Variants in TENM2 observed in about 807,000 individuals in gnomAD.
TENM2 encodes the protein teneurin-2.
In TENM2, 52 loss-of-function variants were observed where a neutral mutation model predicts 245.2. That is an observed-to-expected ratio of 0.21 (90% confidence interval 0.17 to 0.27). TENM2 has a LOEUF of 0.27. Among genes scored for constraint, TENM2 ranks in the 10% least tolerant of loss-of-function variants. The pLI is 1.00. For missense variants in TENM2, 3,046 were observed against 3,666.8 expected, an observed-to-expected ratio of 0.83 and a Z score of 4.37; for synonymous variants, 1,363 against 1,438.9, an observed-to-expected ratio of 0.95 and a Z score of 1.19.
chr5:168,261,643 G>A (rs555562353), intron 28 of TENM2, among the ~76,000 whole-genome samples: 72 of 152,334 alleles, frequency 4.7e-4, no homozygotes, highest in African/African-American at 1.5e-3. Flanking sequence ...CCTGCCCTTC[G>A]CATCAGGACA....
chr5:168,058,372 C>T (rs1284885934), intron 6 of TENM2, among the ~76,000 whole-genome samples: 2 of 152,134 alleles, frequency 1.3e-5, no homozygotes, highest in African/African-American at 4.8e-5. Context: ...TGCATCTCTG[C>T]CTGACCTCAG....
chr5:167,171,771 T>G, the TENM2 span, among the ~76,000 whole-genome samples: 1 of 152,192 alleles, frequency 6.6e-6, no homozygotes, highest in Non-Finnish European at 1.5e-5. Context: ...CTTTCTCTTT[T>G]GCCTTCTGAA....
chr5:167,706,590 C>G (rs1283564925), intron 2 of TENM2, among the ~76,000 whole-genome samples: 1 of 152,018 alleles, frequency 6.6e-6, no homozygotes, highest in African/African-American at 2.4e-5. Flanking sequence ...AGCTGGTTTT[C>G]AATTCCTTTG....
chr5:167,814,896 G>A (rs1274226396), intron 2 of TENM2, among the ~76,000 whole-genome samples: 1 of 152,172 alleles, frequency 6.6e-6, no homozygotes, highest in East Asian at 1.9e-4. Context: ...CAAATACCCA[G>A]AATGTGTGAG....
chr5:167,680,350 G>A (rs1424372703), intron 2 of TENM2, among the ~76,000 whole-genome samples: 2 of 151,842 alleles, frequency 1.3e-5, no homozygotes, highest in Non-Finnish European at 2.9e-5. Flanking sequence ...TGGGGGAAAG[G>A]TTTCCAGGTA....
Position 167,424,067 on chromosome 5 carries a change from C to T in TENM2, c.502+48594C>T, listed in dbSNP as rs74607722. On this transcript the variant is annotated intron_variant, in intron 2 of 28. Coordinates refer to ENST00000518659, the Ensembl canonical transcript of TENM2. ...AAAATCTGCTTCTCTGCCTCTGTCC[C>T]GGCAGAAATACCTGTCTTTGGCCAG... Among the ~76,000 whole-genome samples the T allele has an allele frequency of 1.6e-3, 244 of 152,230 alleles. 2 individuals carry two copies. The highest frequency in any genetic ancestry group is 0.011 in the East Asian group (59 of 5,184).
chr5:167,936,748 C>G (rs1778752122), intron 3 of TENM2, among the ~76,000 whole-genome samples: 1 of 152,168 alleles, frequency 6.6e-6, no homozygotes, highest in Admixed American at 6.5e-5. Flanking sequence ...TGCAGGAACC[C>G]AAGACAACCC....
intron 2 of TENM2, among the ~76,000 whole-genome samples, chr5:167,392,303 G>C (rs984840458): frequency 6.6e-6 from 1 of 152,160 alleles, no homozygotes; most frequent in Non-Finnish European, 1.5e-5. Context: ...GGATGTCCAC[G>C]TAGCTGGTTA....
At chr5:168,260,446 A>G (rs1463500647) in intron 28 of TENM2, 33 bp downstream of exon 30, 4 of 1,610,522 alleles carry the variant, frequency 2.5e-6, no homozygotes, top group Non-Finnish European at 3.4e-6. Context: ...AATCCAAATG[A>G]TTGTCATCAT....
At chr5:166,980,334 T>G in the TENM2 span, among the ~76,000 whole-genome samples, 3 of 152,280 alleles carry the variant, frequency 2.0e-5, no homozygotes, top group South Asian at 2.1e-4. Flanking sequence ...AAGTGGCATC[T>G]TGTCAATGGA....
chr5:167,599,328 A>G (rs531973728), intron 2 of TENM2, among the ~76,000 whole-genome samples: 251 of 152,302 alleles, frequency 1.6e-3, no homozygotes, highest in African/African-American at 5.6e-3. Context: ...CAGATTCCCA[A>G]TTTGCAGATG....
At chr5:168,121,262 T>A (rs1030221194) in intron 10 of TENM2, among the ~76,000 whole-genome samples, 1 of 152,224 alleles carries the variant, frequency 6.6e-6, no homozygotes. Context: ...ACTTAGCTGG[T>A]AAAGGCCACT....
intron 2 of TENM2, among the ~76,000 whole-genome samples, chr5:167,414,138 C>T (rs1763045885): frequency 6.6e-6 from 1 of 152,070 alleles, no homozygotes; most frequent in South Asian, 2.1e-4. Flanking sequence ...TGACAGTTTT[C>T]TCATTTTCTC....
At chr5:168,032,849 T>C (rs1265289684) in intron 5 of TENM2, among the ~76,000 whole-genome samples, 1 of 152,070 alleles carries the variant, frequency 6.6e-6, no homozygotes, top group Non-Finnish European at 1.5e-5. Context: ...GAAAGACCAA[T>C]GTTAGAGGTT....
At chr5:168,088,413 G>A (rs931273862) in intron 7 of TENM2, 1 of 152,174 alleles carries the variant, frequency 6.6e-6, no homozygotes, top group South Asian at 2.1e-4. Context: ...TGTGACCAAT[G>A]GGATATGGGG....
chr5:167,140,675 G>T, the TENM2 span, among the ~76,000 whole-genome samples: 2 of 152,062 alleles, frequency 1.3e-5, no homozygotes, highest in Non-Finnish European at 2.9e-5. Context: ...AGGGGTGAGC[G>T]CAATACACTT....
At chr5:167,336,053 C>T (rs772045537) in intron 1 of TENM2, among the ~76,000 whole-genome samples, 1 of 152,076 alleles carries the variant, frequency 6.6e-6, no homozygotes, top group Non-Finnish European at 1.5e-5. Flanking sequence ...GTAATCCCAT[C>T]TTATTGATGC....
intron 2 of TENM2, among the ~76,000 whole-genome samples, chr5:167,710,364 C>T (rs1244187278): frequency 3.9e-5 from 6 of 152,110 alleles, no homozygotes; most frequent in Non-Finnish European, 7.3e-5. Flanking sequence ...AACAACAACA[C>T]ACAAACAGAG....
chr5:167,369,919 G>C (rs1760303937), intron 1 of TENM2, among the ~76,000 whole-genome samples: 1 of 152,092 alleles, frequency 6.6e-6, no homozygotes, highest in Admixed American at 6.5e-5. Flanking sequence ...TTATTTCAAA[G>C]TTGGTAAAAA....
Sources: allele counts gnomAD v4.1 joint callset (sites outside exome capture counted in the v4.1 genomes callset), GRCh38; gene constraint gnomAD v4.1.1; transcripts MANE v1.5; gene names NCBI Gene and HGNC (gene_info 2026-07-23, HGNC 2026-07-21).